The following INTS13 variants were observed in gnomAD, a reference collection of about 807,000 sequenced individuals.
The protein encoded by INTS13 is asunder, spermatogenesis regulator homolog (Drosphila).
In INTS13, 35 loss-of-function variants were observed where a neutral mutation model predicts 90.2. The observed-to-expected ratio is 0.39, with a 90% CI of 0.30 to 0.51. The LOEUF is 0.51. Among genes scored for constraint, INTS13 ranks in the 20% least tolerant of loss-of-function variants. The probability of loss-of-function intolerance (pLI) is 0.80; values close to 1 mark genes in which losing one functional copy is unlikely to be tolerated. For missense variants in INTS13, 601 were observed against 851.2 expected (o/e 0.71, Z 3.66); for synonymous variants, 309 against 277.1 (o/e 1.11, Z -1.14).
Position 26,933,148 on chromosome 12 carries a change from T to G in INTS13, c.300+1408A>C, listed in dbSNP as rs552500870. Reference sequence around the variant, plus strand: ...ATTAAAAGTACAATCAAATAGAGAGTTCTATACAAGGGTTAAAAGCGTCAA... The same window carrying G: ...ATTAAAAGTACAATCAAATAGAGAGGTCTATACAAGGGTTAAAAGCGTCAA... On this transcript the variant is annotated intron_variant, in intron 3 of 16. Coordinates refer to ENST00000261191, the MANE Select transcript of INTS13 (RefSeq NM_018164.3). Among the ~76,000 whole-genome samples, 19 of 150,938 alleles carry G rather than the reference T, an allele frequency of 1.3e-4. 1 individual carries two copies. Among genetic ancestry groups the G allele is most frequent in the African/African-American group, 4.4e-4 (18 of 40,998 alleles).
At chr12:26,936,032 C>A (rs770181958) in intron 2 of INTS13, among the ~76,000 whole-genome samples, 7 of 152,156 alleles carry the variant, frequency 4.6e-5, no homozygotes, top group Non-Finnish European at 8.8e-5. Context: ...TATGGCCAAA[C>A]AATACAGCAG....
In INTS13 at chr12:26,914,139, T is replaced by A; in HGVS notation, c.1420-11A>T. ...GGCTAATGGAACTACCTGTTAGATTTTTTTTAAAGAAAAAAGAAAATCTGT... is the reference window on the plus strand; with the variant it reads ...GGCTAATGGAACTACCTGTTAGATTATTTTTAAAGAAAAAAGAAAATCTGT... On this transcript the variant is annotated splice_polypyrimidine_tract_variant and intron_variant, in intron 12 of 16. Transcript: ENST00000261191. 6.4e-7 allele frequency: 1 copy of A among 1,554,690 alleles called. No homozygotes were observed. The highest frequency in any genetic ancestry group is 8.6e-7 in the Non-Finnish European group (1 of 1,159,420).
chr12:26,928,389 A>G (rs1938003456), intron 4 of INTS13, 104 bp from the exon 5 acceptor site: 1 of 909,984 alleles, frequency 1.1e-6, no homozygotes, highest in South Asian at 1.5e-5. Flanking sequence ...ATTTAAAGTT[A>G]CTTCACTAAG....
intron 15 of INTS13, 65 bp from the exon 16 acceptor site, chr12:26,906,502 A>G (rs1368529577): frequency 1.7e-5 from 26 of 1,511,762 alleles, no homozygotes; most frequent in Non-Finnish European, 2.3e-5. Context: ...CCAAATTTCC[A>G]AATTTCCAAA....
chr12:26,928,889 G>A lies in INTS13; in HGVS notation c.317C>T (p.Ala106Val). The change falls in exon 4 of 17, where the codon GCC becomes GTC. Residue 106 changes from alanine (A) to valine (V), a missense_variant. Physicochemically the swap from Ala to Val is moderately conservative, Grantham distance 64. This residue lies in a region of INTS13 where 284 missense variants were observed against 387.7 expected (regional missense o/e 0.73). Coordinates refer to ENST00000261191, the MANE Select transcript of INTS13 (RefSeq NM_018164.3). ...CCGAGGATTAGGAGGCCCAACAGCG[G>A]CTAATGCTGCCATTAGCTAAGTAAA... ...QNLQELMAALAAVGPPNPRAD... is the reference protein window; with the variant it reads ...QNLQELMAALVAVGPPNPRAD... 1 of 1,614,084 alleles carries A rather than the reference G, an allele frequency of 6.2e-7. No homozygotes were observed. The highest frequency in any genetic ancestry group is 1.1e-5 in the South Asian group (1 of 91,086).
At position 26,905,394 on chromosome 12, in the gene INTS13, G is replaced by T; in HGVS notation, c.*103C>A. On this transcript the variant is annotated 3_prime_UTR_variant, in exon 17 of 17. Coordinates refer to ENST00000261191, the MANE Select transcript of INTS13 (RefSeq NM_018164.3). ...AAATATTTTAAAAATGTAAAAACCA[G>T]TCCAGGCAACATAACTATACCATCT... 1 of 1,049,890 alleles carries T rather than the reference G, an allele frequency of 9.5e-7. No homozygotes were observed. Among genetic ancestry groups the T allele is most frequent in the Non-Finnish European group, 1.4e-6 (1 of 707,696 alleles). The allele number at this position is 1,049,890 out of a possible 1,614,324, so 65.0% of individuals were successfully genotyped here.
chr12:26,925,086 T>TA (rs1465961991), intron 6 of INTS13, among the ~76,000 whole-genome samples: 1 of 152,032 alleles, frequency 6.6e-6, no homozygotes, highest in East Asian at 1.9e-4. Context: ...AGAAAAAAGT[T>TA]AATAAAAAAG....
intron 2 of INTS13, among the ~76,000 whole-genome samples, chr12:26,936,158 C>T (rs1212194401): frequency 1.3e-5 from 2 of 152,174 alleles, no homozygotes; most frequent in African/African-American, 4.8e-5. Flanking sequence ...CCTCAGTTTC[C>T]GGATCTGCAA....
At chr12:26,914,335 A>C (rs1386503625) in intron 12 of INTS13, 73 bp downstream of exon 12, 2 of 1,408,054 alleles carry the variant, frequency 1.4e-6, no homozygotes, top group Non-Finnish European at 1.9e-6. Flanking sequence ...TATAAATTAC[A>C]AATTGTCTAA....
In INTS13 at chr12:26,925,750, T is replaced by C; in HGVS notation, c.675+11A>G. The C allele has an allele frequency of 1.3e-6, 2 of 1,593,800 alleles. No homozygotes were observed. Among genetic ancestry groups the C allele is most frequent in the Non-Finnish European group, 1.7e-6 (2 of 1,163,590 alleles). On this transcript the variant is annotated intron_variant, in intron 6 of 16. Transcript: ENST00000261191. ...CACAATAGTCTTTTCTTTCATTATT[T>C]CAACACTCACCTCTTTTTTAGAACG...
At chr12:26,918,335 C>G (rs1952004247) in intron 8 of INTS13, among the ~76,000 whole-genome samples, 1 of 152,012 alleles carries the variant, frequency 6.6e-6, no homozygotes, top group Non-Finnish European at 1.5e-5. Context: ...AATTATTTAC[C>G]AAGATTTCCA....
intron 16 of INTS13, 72 bp from the exon 17 acceptor site, chr12:26,905,608 C>G: frequency 7.3e-7 from 1 of 1,378,652 alleles, no homozygotes. Context: ...ATCTACCTTT[C>G]ACATGAAAAT....
In INTS13 at chr12:26,928,202, C is replaced by A; in HGVS notation, c.584+3G>T. On this transcript the variant is annotated splice_donor_region_variant and intron_variant, in intron 5 of 16. Coordinates refer to ENST00000261191, the MANE Select transcript of INTS13 (RefSeq NM_018164.3). Reference sequence around the variant, plus strand: ...ATTTATTTCATTTATGAATTATACTCACTGATCTGAATTTGCAGCAAGCTT... The same window carrying A: ...ATTTATTTCATTTATGAATTATACTAACTGATCTGAATTTGCAGCAAGCTT... 2 of 1,596,496 alleles carry A rather than the reference C, an allele frequency of 1.3e-6. No homozygotes were observed. The highest frequency in any genetic ancestry group is 1.7e-6 in the Non-Finnish European group (2 of 1,165,550).
chr12:26,919,261 A>G (rs975846443), intron 8 of INTS13, among the ~76,000 whole-genome samples: 1 of 152,156 alleles, frequency 6.6e-6, no homozygotes, highest in African/African-American at 2.4e-5. Flanking sequence ...ATACTGTGGC[A>G]GGAGGAAGCA....
chr12:26,928,228 G>A lies in INTS13; in HGVS notation c.561C>T (p.Asn187=). The change falls in exon 5 of 17, where the codon AAC becomes AAT. Residue 187 remains asparagine, a synonymous_variant. Coordinates refer to ENST00000261191, the MANE Select transcript of INTS13 (RefSeq NM_018164.3). ...ACTGATCTGAATTTGCAGCAAGCTTGTTATGTTCATGAATCGTTTCCTGGA... is the reference window on the plus strand; with the variant it reads ...ACTGATCTGAATTTGCAGCAAGCTTATTATGTTCATGAATCGTTTCCTGGA... The part of the protein sequence containing the change: ...DCVQETIHEH[N]KLAANSDHLM... 9 of 1,609,570 alleles carry A rather than the reference G, an allele frequency of 5.6e-6. No homozygotes were observed. Among genetic ancestry groups the A allele is most frequent in the Non-Finnish European group, 7.6e-6 (9 of 1,176,610 alleles).
At chr12:26,927,838 A>G (rs1209537459) in intron 5 of INTS13, among the ~76,000 whole-genome samples, 1 of 151,506 alleles carries the variant, frequency 6.6e-6, no homozygotes, top group Non-Finnish European at 1.5e-5. Flanking sequence ...CTGGTCTTGA[A>G]CTCCTGAGCT....
intron 3 of INTS13, among the ~76,000 whole-genome samples, chr12:26,930,593 T>C (rs533507964): frequency 7.9e-5 from 12 of 152,376 alleles, no homozygotes; most frequent in African/African-American, 2.9e-4. Context: ...ATATAGTTGC[T>C]TTCACAACTG....
At chr12:26,934,279 A>AT (rs1391130962) in intron 3 of INTS13, among the ~76,000 whole-genome samples, 2 of 152,206 alleles carry the variant, frequency 1.3e-5, no homozygotes, top group Non-Finnish European at 2.9e-5. Flanking sequence ...AAATAAATAA[A>AT]TAAGTAGATA....
Position 26,917,672 on chromosome 12 carries a change from C to T in INTS13, c.951G>A (p.Lys317=), listed in dbSNP as rs1010947964. The change falls in exon 9 of 17, where the codon AAG becomes AAA. Residue 317 remains lysine, a synonymous_variant. Transcript: ENST00000261191. ...TGTTATTTGTCCTTGGTGTACACCA[C>T]TTTAATGTTATTGTTTCTTTAAACG... is the stretch of plus-strand genomic sequence containing the variant. ...EGSFKETITL[K]WCTPRTNNIE... The T allele has an allele frequency of 6.2e-7, 1 of 1,613,982 alleles. No individual in the cohort carries two copies. The highest frequency in any genetic ancestry group is 8.5e-7 in the Non-Finnish European group (1 of 1,179,890).
Sources: gnomAD v4.1 joint callset for allele counts (sites outside exome capture counted in the v4.1 genomes callset) on GRCh38, gnomAD v4.1.1 for gene constraint, gnomAD v4.1.1 regional missense constraint, MANE v1.5 for transcripts, NCBI Gene and HGNC (gene_info 2026-07-23, HGNC 2026-07-21) for gene names.